Variants in RALGAPA2 observed in about 807,000 individuals in gnomAD.
The protein encoded by RALGAPA2 is Ral GTPase activating protein catalytic subunit alpha 2, also known as ral GTPase-activating protein subunit alpha-2.
In RALGAPA2, 139 loss-of-function variants were observed where a neutral mutation model predicts 230.4. That is an observed-to-expected ratio of 0.60 (90% CI 0.53 to 0.69). The LOEUF (loss-of-function observed/expected upper bound fraction) is 0.69, where lower values mean the gene tolerates loss of function less well. Among genes scored for constraint, RALGAPA2 ranks in the 30% least tolerant of loss-of-function variants. The pLI, the probability that RALGAPA2 is intolerant of heterozygous loss-of-function variation, is 0.00. For synonymous variants in RALGAPA2, 847 were observed against 837.8 expected (o/e 1.01, Z -0.19); for missense variants, 2,163 against 2,276.0 (o/e 0.95, Z 1.01).
intron 3 of RALGAPA2, among the ~76,000 whole-genome samples, chr20:20,669,100 C>T (rs2068050647): frequency 1.3e-5 from 2 of 152,144 alleles, no homozygotes; most frequent in Admixed American, 1.3e-4. Context: ...GAAGAACATC[C>T]AAATGAGTGG....
At chr20:20,483,480 C>A (rs2061830337) in intron 36 of RALGAPA2, among the ~76,000 whole-genome samples, 1 of 152,098 alleles carries the variant, frequency 6.6e-6, no homozygotes, top group African/African-American at 2.4e-5. Flanking sequence ...GGACAGTCGC[C>A]CTGAGAAGCT....
At chr20:20,566,686 A>C (rs1399684451) in intron 23 of RALGAPA2, among the ~76,000 whole-genome samples, 1 of 152,200 alleles carries the variant, frequency 6.6e-6, no homozygotes, top group Non-Finnish European at 1.5e-5. Context: ...TGAGGTAGGC[A>C]CTATTATTAT....
intron 4 of RALGAPA2, among the ~76,000 whole-genome samples, chr20:20,646,712 C>A (rs2067227743): frequency 6.6e-6 from 1 of 150,492 alleles, no homozygotes; most frequent in Non-Finnish European, 1.5e-5. Flanking sequence ...TTAAGGGATA[C>A]TAAAAAACTC....
intron 3 of RALGAPA2, among the ~76,000 whole-genome samples, chr20:20,670,258 G>A (rs2068090573): frequency 6.6e-6 from 1 of 152,224 alleles, no homozygotes; most frequent in Non-Finnish European, 1.5e-5. Context: ...GATATAGACA[G>A]CCTATGGAAT....
chr20:20,432,641 T>C (rs2122979314), intron 37 of RALGAPA2, among the ~76,000 whole-genome samples: 1 of 152,170 alleles, frequency 6.6e-6, no homozygotes, highest in East Asian at 1.9e-4. Flanking sequence ...TAGCAGACTA[T>C]TTCAATATTC....
chr20:20,620,260 G>A (rs190136738), intron 11 of RALGAPA2, among the ~76,000 whole-genome samples: 1 of 152,296 alleles, frequency 6.6e-6, no homozygotes, highest in African/African-American at 2.4e-5. Context: ...TAGAGTTGCA[G>A]GAGATGACTG....
intron 35 of RALGAPA2, among the ~76,000 whole-genome samples, chr20:20,499,281 T>C (rs1279657090): frequency 1.3e-5 from 2 of 152,196 alleles, no homozygotes; most frequent in Non-Finnish European, 2.9e-5. Context: ...CTTAGAACAT[T>C]ATTTACAGCT....
At chr20:20,600,332 C>CAAATAAAAATA (rs2065601052) in intron 16 of RALGAPA2, among the ~76,000 whole-genome samples, 1 of 152,158 alleles carries the variant, frequency 6.6e-6, no homozygotes, top group Non-Finnish European at 1.5e-5. Flanking sequence ...ATGATAAAAG[C>CAAATAAAAATA]AAATAGTTTT....
chr20:20,635,706 C>A, intron 8 of RALGAPA2, 89 bp from the exon 9 acceptor site: 1 of 1,201,008 alleles, frequency 8.3e-7, no homozygotes, highest in South Asian at 1.6e-5. Flanking sequence ...CAATTAAATC[C>A]AATTTTTGGT....
intron 4 of RALGAPA2, among the ~76,000 whole-genome samples, chr20:20,650,370 CAG>C (rs1302806028): frequency 1.3e-5 from 2 of 152,166 alleles, no homozygotes; most frequent in Non-Finnish European, 2.9e-5. Context: ...TCTTCCTTCT[CAG>C]GATAAAATGT....
At chr20:20,526,601 A>C (rs1158552468) in intron 27 of RALGAPA2, among the ~76,000 whole-genome samples, 1 of 152,142 alleles carries the variant, frequency 6.6e-6, no homozygotes, top group East Asian at 1.9e-4. Context: ...AGGAACAAGG[A>C]GCTTTCATTT....
intron 37 of RALGAPA2, among the ~76,000 whole-genome samples, chr20:20,463,311 C>G (rs2061345225): frequency 6.6e-6 from 1 of 151,940 alleles, no homozygotes; most frequent in Non-Finnish European, 1.5e-5. Flanking sequence ...TCCAAAAATG[C>G]CAAGGGTGGG....
chr20:20,466,643 G>C (rs1162738407), intron 37 of RALGAPA2, among the ~76,000 whole-genome samples: 1 of 152,202 alleles, frequency 6.6e-6, no homozygotes, highest in Non-Finnish European at 1.5e-5. Flanking sequence ...GGCTGCAGGA[G>C]CACAGGCCGT....
At chr20:20,459,862 C>A (rs147445196) in intron 37 of RALGAPA2, among the ~76,000 whole-genome samples, 3 of 152,312 alleles carry the variant, frequency 2.0e-5, no homozygotes, top group African/African-American at 7.2e-5. Context: ...TTCGAGCTCC[C>A]ATGACCCACT....
chr20:20,624,360 A>G (rs1277812875), intron 10 of RALGAPA2, among the ~76,000 whole-genome samples: 3 of 151,750 alleles, frequency 2.0e-5, no homozygotes, highest in Admixed American at 6.6e-5. Flanking sequence ...GAAAGGCAAA[A>G]GAAAAACCTT....
chr20:20,566,777 T>C (rs2064441290), intron 23 of RALGAPA2, among the ~76,000 whole-genome samples: 1 of 152,192 alleles, frequency 6.6e-6, no homozygotes, highest in Admixed American at 6.5e-5. Context: ...AGACAGGAAA[T>C]CAGACAAGCT....
At chr20:20,530,018 T>C (rs886288100) in intron 27 of RALGAPA2, among the ~76,000 whole-genome samples, 1 of 152,262 alleles carries the variant, frequency 6.6e-6, no homozygotes, top group Non-Finnish European at 1.5e-5. Context: ...GGAATCTACA[T>C]TGATCTATAA....
intron 12 of RALGAPA2, 78 bp from the exon 13 acceptor site, chr20:20,616,269 T>C: frequency 9.4e-7 from 1 of 1,068,398 alleles, no homozygotes; most frequent in Non-Finnish European, 1.3e-6. Flanking sequence ...AGATATTAAT[T>C]TCACTCTACC....
chr20:20,527,040 T>C (rs2063223390), intron 27 of RALGAPA2, among the ~76,000 whole-genome samples: 2 of 152,214 alleles, frequency 1.3e-5, no homozygotes, highest in African/African-American at 4.8e-5. Context: ...CTTCAAGGTC[T>C]TACTTTTTCA....
Sources: gnomAD v4.1 joint callset for allele counts (sites outside exome capture counted in the v4.1 genomes callset) on GRCh38, gnomAD v4.1.1 for gene constraint, MANE v1.5 for transcripts, NCBI Gene and HGNC (gene_info 2026-07-23, HGNC 2026-07-21) for gene names.